GUCY1A2: variants seen among roughly 807,000 people sequenced by gnomAD.
GUCY1A2 encodes the protein guanylate cyclase 1 soluble subunit alpha 2, also known as guanylate cyclase soluble subunit alpha-2.
GUCY1A2 carries 27 observed loss-of-function variants against 63.5 expected under a neutral mutation model. The observed-to-expected ratio is 0.43, with a 90% CI of 0.31 to 0.59. GUCY1A2 has a LOEUF of 0.59. Ranked by LOEUF, GUCY1A2 falls within the 20% of genes least tolerant of loss-of-function variation. The pLI is 0.11. For synonymous variants in GUCY1A2, 364 were observed against 343.5 expected (o/e 1.06, Z -0.66); for missense variants, 768 against 913.3 (o/e 0.84, Z 2.05).
intron 1 of GUCY1A2, among the ~76,000 whole-genome samples, chr11:107,005,783 A>T (rs1362999337): frequency 6.6e-6 from 1 of 152,152 alleles, no homozygotes; most frequent in Non-Finnish European, 1.5e-5. Flanking sequence ...TCTGAAAGAG[A>T]ACATCTTTTA....
At chr11:106,974,240 T>C (rs976206391) in intron 3 of GUCY1A2, among the ~76,000 whole-genome samples, 3 of 152,114 alleles carry the variant, frequency 2.0e-5, no homozygotes, top group Non-Finnish European at 2.9e-5. Context: ...GCAGAAGTTA[T>C]TTATTGCTAT....
chr11:106,708,768 A>T (rs1430767443), intron 6 of GUCY1A2, 102 bp from the exon 7 acceptor site: 9 of 706,158 alleles, frequency 1.3e-5, no homozygotes, highest in Admixed American at 3.8e-5. Context: ...ATAATAAAAA[A>T]AAACTATGAG....
chr11:106,732,404 ATTC>A (rs1211645113), intron 6 of GUCY1A2, among the ~76,000 whole-genome samples: 1 of 152,140 alleles, frequency 6.6e-6, no homozygotes, highest in Non-Finnish European at 1.5e-5. Flanking sequence ...TTATATTCAT[ATTC>A]TTCAATTTTA....
chr11:106,956,170 T>C (rs982035365), intron 3 of GUCY1A2, among the ~76,000 whole-genome samples: 1 of 151,864 alleles, frequency 6.6e-6, no homozygotes, highest in African/African-American at 2.4e-5. Context: ...AACTGGGTAT[T>C]CTAGTTAGCA....
Position 106,675,702 on chromosome 11 carries a change from A to G in GUCY1A2, c.*11847T>C, listed in dbSNP as rs1188586345. 1.6e-5 allele frequency: 3 copies of G among 189,404 alleles called. No individual in the cohort carries two copies. The Admixed American group carries it at 1.9e-4, about 12-fold the overall frequency. The allele number at this position is 189,404 out of a possible 1,614,324, so 11.7% of individuals were successfully genotyped here. ...CATTTCTTTATCTGAACAAGTATTA[A>G]GATTGTCCATCATTTCAAGACAAAG... On this transcript the variant is annotated 3_prime_UTR_variant, in exon 8 of 8. Coordinates refer to ENST00000526355, the MANE Select transcript of GUCY1A2 (RefSeq NM_000855.3).
chr11:106,706,450 A>T (rs1862912650), intron 7 of GUCY1A2, among the ~76,000 whole-genome samples: 1 of 151,982 alleles, frequency 6.6e-6, no homozygotes, highest in South Asian at 2.1e-4. Context: ...CATTCCTCAG[A>T]CCTTGTTAAT....
intron 4 of GUCY1A2, among the ~76,000 whole-genome samples, chr11:106,872,508 A>T (rs1210279451): frequency 1.3e-5 from 2 of 152,170 alleles, no homozygotes; most frequent in Admixed American, 1.3e-4. Flanking sequence ...ACTAGAAGAT[A>T]AGGAACAGAC....
intron 4 of GUCY1A2, among the ~76,000 whole-genome samples, chr11:106,905,651 G>A (rs933803965): frequency 6.6e-6 from 1 of 152,026 alleles, no homozygotes; most frequent in African/African-American, 2.4e-5. Flanking sequence ...GCAGATACCA[G>A]GATGGAATCA....
intron 4 of GUCY1A2, among the ~76,000 whole-genome samples, chr11:106,865,749 T>C (rs1859583415): frequency 6.6e-6 from 1 of 151,940 alleles, no homozygotes; most frequent in African/African-American, 2.4e-5. Flanking sequence ...TGTATACCTA[T>C]GTAATAAACC....
At chr11:106,759,944 G>A (rs1286339750) in intron 6 of GUCY1A2, among the ~76,000 whole-genome samples, 1 of 152,064 alleles carries the variant, frequency 6.6e-6, no homozygotes. Context: ...TCAAAAAAAC[G>A]AAAAGGAGAA....
chr11:106,692,044 C>T (rs961956766), intron 7 of GUCY1A2, among the ~76,000 whole-genome samples: 5 of 152,000 alleles, frequency 3.3e-5, no homozygotes, highest in Non-Finnish European at 5.9e-5. Context: ...CAAATGTATA[C>T]AAGGATTAGG....
chr11:106,722,889 G>A (rs1291068493), intron 6 of GUCY1A2, among the ~76,000 whole-genome samples: 1 of 151,722 alleles, frequency 6.6e-6, no homozygotes, highest in Non-Finnish European at 1.5e-5. Context: ...GGTTTGTTTT[G>A]TTTTGACCCC....
At chr11:106,988,420 A>G (rs183597746) in intron 1 of GUCY1A2, among the ~76,000 whole-genome samples, 1 of 152,306 alleles carries the variant, frequency 6.6e-6, no homozygotes, top group East Asian at 1.9e-4. Flanking sequence ...CAGGAACTAG[A>G]GTGTACAGGG....
intron 6 of GUCY1A2, among the ~76,000 whole-genome samples, chr11:106,771,600 T>A (rs1156266046): frequency 1.3e-5 from 2 of 151,936 alleles, no homozygotes; most frequent in Non-Finnish European, 2.9e-5. Flanking sequence ...AAGTTTTTTT[T>A]AAATAGTCAG....
intron 7 of GUCY1A2, among the ~76,000 whole-genome samples, chr11:106,700,844 C>G (rs953678911): frequency 3.3e-5 from 5 of 151,256 alleles, no homozygotes; most frequent in Non-Finnish European, 7.4e-5. Context: ...ATAAGAATTT[C>G]TTGAAGTTTC....
intron 5 of GUCY1A2, among the ~76,000 whole-genome samples, chr11:106,797,461 A>G (rs1052535461): frequency 1.3e-5 from 2 of 152,174 alleles, no homozygotes; most frequent in Non-Finnish European, 2.9e-5. Flanking sequence ...TCTACACCCC[A>G]AATCAACAAA....
At chr11:107,006,643 C>A (rs1861675224) in intron 1 of GUCY1A2, among the ~76,000 whole-genome samples, 2 of 152,166 alleles carry the variant, frequency 1.3e-5, no homozygotes, top group Non-Finnish European at 2.9e-5. Context: ...TTGGTCAGAC[C>A]ACAAGTACCA....
intron 7 of GUCY1A2, among the ~76,000 whole-genome samples, chr11:106,698,808 T>C (rs1316561279): frequency 6.6e-6 from 1 of 152,190 alleles, no homozygotes; most frequent in Non-Finnish European, 1.5e-5. Flanking sequence ...TCCAGGGCCA[T>C]AAACTAATTA....
Position 106,810,470 on chromosome 11 carries a change from T to G in GUCY1A2, c.1215A>C (p.Glu405Asp). The change falls in exon 5 of 8, where the codon GAA becomes GAC. Residue 405 changes from glutamate (E) to aspartate (D), a missense_variant. By Grantham distance (45) the Glu-to-Asp change is conservative. Coordinates refer to ENST00000526355, the MANE Select transcript of GUCY1A2 (RefSeq NM_000855.3). Reference protein sequence around the residue: ...SGSENKDKVMEVKGQMIHVPE... With the variant: ...SGSENKDKVMDVKGQMIHVPE... Reference sequence around the variant, plus strand: ...GAACATGGATCATTTGTCCTTTGACTTCCATCACCTGTGAAATTAACATGG... The same window carrying G: ...GAACATGGATCATTTGTCCTTTGACGTCCATCACCTGTGAAATTAACATGG... 1 of 1,599,076 alleles carries G rather than the reference T, an allele frequency of 6.3e-7. No individual in the cohort carries two copies. Among genetic ancestry groups the G allele is most frequent in the Non-Finnish European group, 8.5e-7 (1 of 1,170,738 alleles).
Sources: gnomAD v4.1 joint callset for allele counts (sites outside exome capture counted in the v4.1 genomes callset) on GRCh38, gnomAD v4.1.1 for gene constraint, MANE v1.5 for transcripts, NCBI Gene and HGNC (gene_info 2026-07-23, HGNC 2026-07-21) for gene names.